Variants in CAMK2D observed in about 807,000 individuals in gnomAD.
CAMK2D encodes calcium/calmodulin-dependent protein kinase type II subunit delta.
In CAMK2D, 37 loss-of-function variants were observed where a neutral mutation model predicts 84.0. That is an observed-to-expected ratio of 0.44 (90% CI 0.34 to 0.58). The LOEUF is 0.58. Among genes scored for constraint, CAMK2D ranks in the 20% least tolerant of loss-of-function variants. CAMK2D has a pLI of 0.02. For missense variants in CAMK2D, 448 were observed against 652.5 expected (o/e 0.69, Z 3.41); for synonymous variants, 202 against 212.5 (o/e 0.95, Z 0.43).
chr4:113,553,278 C>T (rs1431436336), intron 4 of CAMK2D, among the ~76,000 whole-genome samples: 1 of 152,168 alleles, frequency 6.6e-6, no homozygotes, highest in Non-Finnish European at 1.5e-5. Context: ...CTCCACAGCT[C>T]ATGCCCTCAA....
chr4:113,623,520 T>C (rs10023090), intron 3 of CAMK2D, among the ~76,000 whole-genome samples: 4,518 of 152,172 alleles, frequency 0.03, 235 homozygotes, highest in African/African-American at 0.1. Context: ...CAGACCTAGA[T>C]GGTATAGCCT....
At chr4:113,685,244 T>C (rs1309734579) in intron 2 of CAMK2D, among the ~76,000 whole-genome samples, 1 of 151,254 alleles carries the variant, frequency 6.6e-6, no homozygotes, top group Non-Finnish European at 1.5e-5. Context: ...GACTTCTTTT[T>C]TTTTTTTTTT....
chr4:113,589,107 T>C (rs747723445), intron 4 of CAMK2D, among the ~76,000 whole-genome samples: 1 of 151,728 alleles, frequency 6.6e-6, no homozygotes, highest in Non-Finnish European at 1.5e-5. Flanking sequence ...GGCTGTGAGG[T>C]AGGCAGTGTG....
chr4:113,661,347 G>T (rs907880094), intron 3 of CAMK2D, among the ~76,000 whole-genome samples: 1 of 152,040 alleles, frequency 6.6e-6, no homozygotes, highest in South Asian at 2.1e-4. Context: ...AAATTATGTG[G>T]TTAAAATAAA....
chr4:113,606,596 C>T (rs370255308), intron 4 of CAMK2D, among the ~76,000 whole-genome samples: 3 of 151,718 alleles, frequency 2.0e-5, no homozygotes, highest in South Asian at 2.1e-4. Flanking sequence ...CAACAGACTA[C>T]GGGAAAACTA....
At chr4:113,610,298 G>T (rs1003099363) in intron 3 of CAMK2D, among the ~76,000 whole-genome samples, 1 of 152,092 alleles carries the variant, frequency 6.6e-6, no homozygotes, top group Non-Finnish European at 1.5e-5. Flanking sequence ...AGCAAAAGAA[G>T]GCAGGGAAAG....
chr4:113,651,055 C>A (rs1201054421), intron 3 of CAMK2D, among the ~76,000 whole-genome samples: 1 of 152,152 alleles, frequency 6.6e-6, no homozygotes, highest in Non-Finnish European at 1.5e-5. Flanking sequence ...ATAAAAACTA[C>A]TGAACTTCAA....
intron 4 of CAMK2D, among the ~76,000 whole-genome samples, chr4:113,557,691 G>A (rs182114963): frequency 6.2e-4 from 94 of 152,184 alleles, no homozygotes; most frequent in African/African-American, 2.2e-3. Flanking sequence ...ATTTGAGGCT[G>A]GTTTACTGAG....
At chr4:113,708,152 G>A (rs1453657343) in intron 2 of CAMK2D, among the ~76,000 whole-genome samples, 1 of 152,048 alleles carries the variant, frequency 6.6e-6, no homozygotes, top group Non-Finnish European at 1.5e-5. Context: ...GTGTTCACAG[G>A]TCTGAGCTTT....
At chr4:113,588,669 C>A (rs896727832) in intron 4 of CAMK2D, among the ~76,000 whole-genome samples, 1 of 152,166 alleles carries the variant, frequency 6.6e-6, no homozygotes, top group African/African-American at 2.4e-5. Flanking sequence ...ACTCTTTAAA[C>A]CCTTTGCAAA....
At chr4:113,692,077 A>G (rs546846893) in intron 2 of CAMK2D, among the ~76,000 whole-genome samples, 1 of 152,324 alleles carries the variant, frequency 6.6e-6, no homozygotes, top group East Asian at 1.9e-4. Flanking sequence ...AAGTGCCTCA[A>G]TCTTCAACCT....
intron 4 of CAMK2D, among the ~76,000 whole-genome samples, chr4:113,558,138 CAA>C (rs1233195006): frequency 2.6e-5 from 4 of 152,108 alleles, no homozygotes; most frequent in African/African-American, 9.7e-5. Flanking sequence ...AGTAGTGAGA[CAA>C]AAGGAGAAAT....
chr4:113,693,452 C>G (rs1040174425), intron 2 of CAMK2D, among the ~76,000 whole-genome samples: 1 of 152,120 alleles, frequency 6.6e-6, no homozygotes, highest in Non-Finnish European at 1.5e-5. Flanking sequence ...TAGCTACTCA[C>G]TTGCCAAGAC....
chr4:113,740,787 G>A lies in CAMK2D; in HGVS notation c.160+18533C>T, dbSNP rs2099591218. Among the ~76,000 whole-genome samples, 2 of 151,946 alleles carry A rather than the reference G, an allele frequency of 1.3e-5. 1 individual carries two copies. Among genetic ancestry groups the A allele is most frequent in the South Asian group, 4.1e-4 (2 of 4,822 alleles). On this transcript the variant is annotated intron_variant, in intron 2 of 20. Transcript: ENST00000511664. ...ATCCATCCTTCTCACTATTTCTAAT[G>A]TCACCTTCACATCTCCCCTAGACTG...
chr4:113,599,168 G>A (rs2098940862), intron 4 of CAMK2D, among the ~76,000 whole-genome samples: 1 of 152,178 alleles, frequency 6.6e-6, no homozygotes, highest in African/African-American at 2.4e-5. Flanking sequence ...CCAAATGCTG[G>A]TGAGAATTCT....
At chr4:113,474,496 G>A (rs1450969318) in intron 16 of CAMK2D, among the ~76,000 whole-genome samples, 1 of 123,796 alleles carries the variant, frequency 8.1e-6, no homozygotes, top group Non-Finnish European at 1.6e-5. Flanking sequence ...GTCCTTTTTG[G>A]CCTTTTTTTT....
chr4:113,515,165 C>T lies in CAMK2D; in HGVS notation c.723G>A (p.Val241=), dbSNP rs1176960723. Residue 241 remains valine, a synonymous_variant, in exon 10 of 21, where the codon GTG becomes GTA. Transcript: ENST00000511664. Reference sequence around the variant, plus strand: ...TGATGAGGTCTTTGGCTTCAGGAGTCACCGTGTCCCATTCTGGTGATGGAA... The same window carrying T: ...TGATGAGGTCTTTGGCTTCAGGAGTTACCGTGTCCCATTCTGGTGATGGAA... ...YDFPSPEWDT[V]TPEAKDLINK... 1 of 1,604,906 alleles carries T rather than the reference C, an allele frequency of 6.2e-7. No individual in the cohort carries two copies. The highest frequency in any genetic ancestry group is 1.1e-5 in the South Asian group (1 of 88,984).
chr4:113,735,286 CA>C (rs1435054933), intron 2 of CAMK2D, among the ~76,000 whole-genome samples: 2 of 67,524 alleles, frequency 3.0e-5, no homozygotes, highest in African/African-American at 1.4e-4. Flanking sequence ...ACCATCTCTA[CA>C]GGAAAAAAAA....
chr4:113,718,264 G>A (rs1033140741), intron 2 of CAMK2D, among the ~76,000 whole-genome samples: 1 of 152,054 alleles, frequency 6.6e-6, no homozygotes, highest in African/African-American at 2.4e-5. Context: ...CAAAACTTGG[G>A]GATCAGGGTT....
Sources: gnomAD v4.1 joint callset for allele counts (sites outside exome capture counted in the v4.1 genomes callset) on GRCh38, gnomAD v4.1.1 for gene constraint, MANE v1.5 for transcripts, NCBI Gene and HGNC (gene_info 2026-07-23, HGNC 2026-07-21) for gene names.